The following RHOBTB2 variants were observed in gnomAD, a reference collection of about 807,000 sequenced individuals.
The protein encoded by RHOBTB2 is Rho related BTB domain containing 2.
In RHOBTB2, 39 loss-of-function variants were observed where a neutral mutation model predicts 66.5. That is an observed-to-expected ratio of 0.59 (90% confidence interval 0.45 to 0.77). The LOEUF (loss-of-function observed/expected upper bound fraction) is 0.77. Ranked by LOEUF, RHOBTB2 falls within the 30% of genes least tolerant of loss-of-function variation. RHOBTB2 has a pLI of 0.00. For missense variants in RHOBTB2, 755 were observed against 999.1 expected (o/e 0.76, Z 3.29); for synonymous variants, 390 against 395.0 (o/e 0.99, Z 0.15).
intron 1 of RHOBTB2, among the ~76,000 whole-genome samples, chr8:23,003,182 C>T (rs1162904188): frequency 6.6e-6 from 1 of 152,250 alleles, no homozygotes; most frequent in East Asian, 1.9e-4. Context: ...CTGGCGAAAC[C>T]AAGCGTCCTA....
intron 6 of RHOBTB2, among the ~76,000 whole-genome samples, chr8:23,008,869 G>A (rs1811050001): frequency 6.6e-6 from 1 of 152,040 alleles, no homozygotes. Context: ...GGAGTGTGAG[G>A]GCCCATAGGG....
intron 1 of RHOBTB2, among the ~76,000 whole-genome samples, chr8:22,987,986 C>G (rs1339513311): frequency 6.6e-6 from 1 of 152,090 alleles, no homozygotes; most frequent in East Asian, 1.9e-4. Context: ...CTGCACCCCA[C>G]CCCCCACAAC....
At position 23,016,058 on chromosome 8, in the gene RHOBTB2, T is replaced by C. The variant is rs568997064; in HGVS notation, c.1966+315T>C. 3.3e-5 allele frequency among the ~76,000 whole-genome samples: 5 copies of C among 152,364 alleles called. No homozygotes were observed. The South Asian group carries it at 8.3e-4, about 25-fold the overall frequency. On this transcript the variant is annotated intron_variant, in intron 9 of 9. Transcript: ENST00000251822. ...TTCATCTTGTGACCCAGGACACATA[T>C]AGGAAAATATATACATCTTTCTAAT... is the stretch of plus-strand genomic sequence containing the variant.
At chr8:22,978,516 A>C in the RHOBTB2 span, among the ~76,000 whole-genome samples, 37 of 150,420 alleles carry the variant, frequency 2.5e-4, no homozygotes, top group East Asian at 4.6e-3. Flanking sequence ...AACAAAAAAA[A>C]CCCCAAAACT....
the RHOBTB2 span, among the ~76,000 whole-genome samples, chr8:22,960,534 G>A: frequency 6.6e-6 from 1 of 152,070 alleles, no homozygotes; most frequent in Non-Finnish European, 1.5e-5. Flanking sequence ...GGCCAGGCTG[G>A]TCTCAAACTC....
intron 7 of RHOBTB2, 37 bp from the exon 8 acceptor site, chr8:23,014,653 T>C (rs563616831): frequency 2.5e-6 from 4 of 1,586,600 alleles, no homozygotes; most frequent in Non-Finnish European, 3.5e-6. Flanking sequence ...ACAGGTCATG[T>C]GCTTCTTCAG....
At chr8:22,992,998 C>T (rs572925325) in intron 2 of RHOBTB2, among the ~76,000 whole-genome samples, 4 of 152,312 alleles carry the variant, frequency 2.6e-5, no homozygotes, top group South Asian at 2.1e-4. Flanking sequence ...GCCAGCTGCA[C>T]GATGTGGCTG....
At chr8:22,986,607 A>G (rs1810293231), upstream of RHOBTB2, among the ~76,000 whole-genome samples, 3 of 152,112 alleles carry the variant, frequency 2.0e-5, no homozygotes, top group Admixed American at 2.0e-4. Context: ...CTTCTCCAGA[A>G]TTCTATCCAG....
upstream of RHOBTB2, chr8:22,995,977 G>A (rs1338024769): frequency 1.6e-5 from 19 of 1,211,172 alleles, no homozygotes; most frequent in Non-Finnish European, 2.3e-5. Context: ...GGTCTGCGTT[G>A]GGCTGGCACT....
chr8:23,003,946 G>T, intron 1 of RHOBTB2: 1 of 233,686 alleles, frequency 4.3e-6, no homozygotes. Context: ...GTTCTGACAA[G>T]TCCATTAAAT....
At chr8:22,989,368 G>C (rs990051310) in intron 1 of RHOBTB2, among the ~76,000 whole-genome samples, 1 of 152,304 alleles carries the variant, frequency 6.6e-6, no homozygotes, top group East Asian at 1.9e-4. Context: ...GGCTGGTCTT[G>C]AGTTCCTGGC....
chr8:23,003,670 C>T (rs553350824), intron 1 of RHOBTB2, among the ~76,000 whole-genome samples: 3 of 152,314 alleles, frequency 2.0e-5, no homozygotes, highest in Admixed American at 1.3e-4. Context: ...TTCCCCTCAC[C>T]CGCATCTGAA....
chr8:23,016,602 G>A lies in RHOBTB2; in HGVS notation c.1967-650G>A, dbSNP rs1811298180. The stretch of plus-strand genomic sequence containing the variant: ...AATTTTTTGTATTTTAGTAGAGACG[G>A]GGTTTCACCACGTTGCCCAGGCTGG... On this transcript the variant is annotated intron_variant, in intron 9 of 9. Transcript: ENST00000251822. 2.0e-5 allele frequency among the ~76,000 whole-genome samples: 3 copies of A among 151,888 alleles called. 1 individual carries two copies. The South Asian group carries it at 6.2e-4, about 32-fold the overall frequency.
At chr8:22,966,134 TG>T in the RHOBTB2 span, among the ~76,000 whole-genome samples, 1 of 150,334 alleles carries the variant, frequency 6.7e-6, no homozygotes, top group African/African-American at 2.4e-5. Context: ...GCAGATCACT[TG>T]AGGTCAGGAG....
intron 1 of RHOBTB2, chr8:22,992,045 C>T (rs1563283605): frequency 6.6e-6 from 1 of 152,216 alleles, no homozygotes; most frequent in Non-Finnish European, 1.5e-5. Context: ...TTCTGTTCCA[C>T]GCACTCCTTT....
chr8:22,997,666 C>T (rs572870459), upstream of RHOBTB2, among the ~76,000 whole-genome samples: 1 of 152,216 alleles, frequency 6.6e-6, no homozygotes, highest in South Asian at 2.1e-4. Flanking sequence ...TTTGGGTGGA[C>T]GGGAGTTCTG....
the RHOBTB2 span, among the ~76,000 whole-genome samples, chr8:22,961,605 C>T: frequency 6.6e-6 from 1 of 152,120 alleles, no homozygotes; most frequent in Non-Finnish European, 1.5e-5. Context: ...TGATGCCAGA[C>T]ATCACTGAAA....
rs1810983748 is a variant in RHOBTB2 at position 23,007,123 on chromosome 8, A to G, written c.878A>G (p.Tyr293Cys). 5 of 1,609,604 alleles carry G rather than the reference A, an allele frequency of 3.1e-6. No individual in the cohort carries two copies. The highest frequency in any genetic ancestry group is 3.4e-6 in the Non-Finnish European group (4 of 1,179,836). ...IYLSTSSSKF[Y>C]DLFLMDLSEG... ...CTCTCCACCTCTTCCTCCAAGTTCTATGACCTGTTCCTCATGGACCTGAGT... is the reference window on the plus strand; with the variant it reads ...CTCTCCACCTCTTCCTCCAAGTTCTGTGACCTGTTCCTCATGGACCTGAGT... Residue 293 changes from tyrosine to cysteine, a missense_variant, in exon 5 of 10, where the codon TAT (tyrosine) becomes TGT (cysteine). Physicochemically the swap from Tyr to Cys is radical, Grantham distance 194. Transcript: ENST00000251822.
upstream of RHOBTB2, among the ~76,000 whole-genome samples, chr8:22,997,867 T>C (rs1810619793): frequency 1.3e-5 from 2 of 152,230 alleles, no homozygotes; most frequent in South Asian, 4.1e-4. Context: ...GCGCAGGGGC[T>C]CTTTGGCACA....
Sources: gnomAD v4.1 joint callset for allele counts (sites outside exome capture counted in the v4.1 genomes callset) on GRCh38, gnomAD v4.1.1 for gene constraint, MANE v1.5 for transcripts, NCBI Gene and HGNC (gene_info 2026-07-23, HGNC 2026-07-21) for gene names.